The following PDIA5 variants were observed in gnomAD, a reference collection of about 807,000 sequenced individuals.
PDIA5 encodes the protein protein disulfide isomerase family A member 5.
A neutral mutation model predicts 77.6 loss-of-function variants in PDIA5; 58 were observed. That is an observed-to-expected ratio of 0.75 (90% CI 0.61 to 0.93). PDIA5 has a LOEUF of 0.93. Among genes scored for constraint, PDIA5 ranks in the 40% least tolerant of loss-of-function variants. PDIA5 has a pLI of 0.00. For missense variants in PDIA5, 630 were observed against 647.7 expected (o/e 0.97, Z 0.30); for synonymous variants, 250 against 252.1 (o/e 0.99, Z 0.08).
chr3:123,134,528 T>C (rs946820666), intron 11 of PDIA5, among the ~76,000 whole-genome samples: 1 of 152,138 alleles, frequency 6.6e-6, no homozygotes, highest in Non-Finnish European at 1.5e-5. Context: ...ATGACTGACC[T>C]GGAGACACCA....
intron 3 of PDIA5, among the ~76,000 whole-genome samples, chr3:123,097,946 A>G (rs1367703007): frequency 6.6e-6 from 1 of 151,962 alleles, no homozygotes; most frequent in African/African-American, 2.4e-5. Flanking sequence ...TCTTCTTTCT[A>G]CCCCACCAGG....
intron 7 of PDIA5, among the ~76,000 whole-genome samples, chr3:123,111,963 T>A (rs1934873760): frequency 2.0e-5 from 3 of 152,220 alleles, no homozygotes; most frequent in African/African-American, 7.2e-5. Flanking sequence ...AGCTGCCTCT[T>A]TTTGTAAAGG....
chr3:123,142,496 T>TA (rs1935663908), intron 11 of PDIA5, among the ~76,000 whole-genome samples: 1 of 152,252 alleles, frequency 6.6e-6, no homozygotes, highest in Non-Finnish European at 1.5e-5. Flanking sequence ...ATGACCTTGA[T>TA]ACCTCTACAG....
chr3:123,152,103 TCCTTCCTTCCTTCCTTCCTTCCTG>T (rs1935926853), intron 14 of PDIA5, among the ~76,000 whole-genome samples: 1 of 9,342 alleles, frequency 1.1e-4, no homozygotes, highest in East Asian at 0.031. Flanking sequence ...CTTCCTGCCT[TCCTTCCTTCCTTCCTTCCTTCCTG>T]CCTTCCTTCC....
At chr3:123,069,118 G>T (rs1210940435) in intron 1 of PDIA5, among the ~76,000 whole-genome samples, 2 of 152,228 alleles carry the variant, frequency 1.3e-5, no homozygotes, top group African/African-American at 2.4e-5. Flanking sequence ...GGTGGAGGGA[G>T]CATGCCAACA....
intron 1 of PDIA5, among the ~76,000 whole-genome samples, chr3:123,071,831 G>A (rs1373066499): frequency 6.6e-6 from 1 of 152,158 alleles, no homozygotes; most frequent in African/African-American, 2.4e-5. Context: ...CTAGCCCAGG[G>A]CCTGGCATGT....
At chr3:123,105,281 AC>A (rs1482277695) in intron 5 of PDIA5, among the ~76,000 whole-genome samples, 2 of 152,156 alleles carry the variant, frequency 1.3e-5, no homozygotes, top group Non-Finnish European at 2.9e-5. Flanking sequence ...TCCCTTGTGC[AC>A]CCTAGATTAA....
intron 11 of PDIA5, among the ~76,000 whole-genome samples, chr3:123,144,329 C>A (rs1033450500): frequency 1.3e-5 from 2 of 152,184 alleles, no homozygotes; most frequent in African/African-American, 4.8e-5. Flanking sequence ...TGAGTCACGA[C>A]CTGTCATCCG....
chr3:123,067,277 T>C, intron 1 of PDIA5, 71 bp downstream of exon 1: 1 of 1,171,864 alleles, frequency 8.5e-7, no homozygotes, highest in Non-Finnish European at 1.1e-6. Context: ...CGCTCTCTGC[T>C]CCAGCCCTCT....
chr3:123,081,368 G>T (rs1011782474), intron 1 of PDIA5, among the ~76,000 whole-genome samples: 1 of 152,190 alleles, frequency 6.6e-6, no homozygotes, highest in East Asian at 1.9e-4. Flanking sequence ...TCCAAGTACG[G>T]TGTTCTTTCC....
intron 15 of PDIA5, among the ~76,000 whole-genome samples, chr3:123,161,013 C>T (rs13089777): frequency 0.17 from 26,022 of 152,102 alleles, 2,758 homozygotes; most frequent in Non-Finnish European, 0.23. Flanking sequence ...CACCACAGAA[C>T]CTGTGGTGTT....
At chr3:123,086,979 CTTA>C (rs991639312) in intron 1 of PDIA5, among the ~76,000 whole-genome samples, 1 of 152,170 alleles carries the variant, frequency 6.6e-6, no homozygotes, top group Non-Finnish European at 1.5e-5. Flanking sequence ...CTGATGAAGT[CTTA>C]TGCCAATTCT....
chr3:123,067,145 C>T lies in PDIA5; in HGVS notation c.-20C>T. The T allele has an allele frequency of 4.8e-6, 6 of 1,245,768 alleles. No individual in the cohort carries two copies. The highest frequency in any genetic ancestry group is 6.1e-6 in the Non-Finnish European group (6 of 991,252). 77.2% of individuals were successfully genotyped at this position (1,245,768 alleles called of 1,614,324 possible). On this transcript the variant is annotated 5_prime_UTR_variant, in exon 1 of 17. Coordinates refer to ENST00000316218, the MANE Select transcript of PDIA5 (RefSeq NM_006810.4). Reference sequence around the variant, plus strand: ...GCGCCGGAGTGGAGAAAGGAGCCAGCGGTGGGCAGCGCTGCTGGGATGGCG... The same window carrying T: ...GCGCCGGAGTGGAGAAAGGAGCCAGTGGTGGGCAGCGCTGCTGGGATGGCG...
intron 4 of PDIA5, 125 bp downstream of exon 4, chr3:123,102,619 A>G: frequency 9.4e-7 from 1 of 1,066,960 alleles, no homozygotes; most frequent in East Asian, 2.5e-5. Flanking sequence ...CTGTGTTTAC[A>G]ATTATTTCTT....
At chr3:123,136,186 C>T (rs528098108) in intron 11 of PDIA5, among the ~76,000 whole-genome samples, 3 of 152,270 alleles carry the variant, frequency 2.0e-5, no homozygotes, top group Admixed American at 1.3e-4. Flanking sequence ...TCTCCTGCCT[C>T]GGCCTCCCAA....
intron 7 of PDIA5, among the ~76,000 whole-genome samples, chr3:123,114,287 C>G (rs901173885): frequency 6.6e-6 from 1 of 152,214 alleles, no homozygotes; most frequent in East Asian, 1.9e-4. Context: ...AGGTGTCCCC[C>G]CTTATTTTCC....
chr3:123,069,497 G>T (rs1050873848), intron 1 of PDIA5, among the ~76,000 whole-genome samples: 1 of 152,188 alleles, frequency 6.6e-6, no homozygotes, highest in African/African-American at 2.4e-5. Context: ...GACTGGTGGT[G>T]TAGAACAATT....
At chr3:123,147,486 T>C (rs1035626092) in intron 13 of PDIA5, among the ~76,000 whole-genome samples, 12 of 152,180 alleles carry the variant, frequency 7.9e-5, no homozygotes, top group African/African-American at 2.7e-4. Flanking sequence ...AAGCATAGAC[T>C]CTGAGACTCT....
intron 1 of PDIA5, among the ~76,000 whole-genome samples, chr3:123,086,919 A>G (rs1187040096): frequency 2.6e-5 from 4 of 152,184 alleles, no homozygotes; most frequent in Admixed American, 6.5e-5. Flanking sequence ...CCAGTTAGAA[A>G]TCATTTTCCT....
Sources: allele counts gnomAD v4.1 joint callset (sites outside exome capture counted in the v4.1 genomes callset), GRCh38; gene constraint gnomAD v4.1.1; transcripts MANE v1.5; gene names NCBI Gene and HGNC (gene_info 2026-07-23, HGNC 2026-07-21).